EFHC1: variants seen among roughly 807,000 people sequenced by gnomAD.
EFHC1 encodes EF-hand domain-containing protein 1.
In EFHC1, 53 loss-of-function variants were observed where a neutral mutation model predicts 69.9. The observed-to-expected ratio is 0.76, with a 90% CI of 0.61 to 0.95. The LOEUF (loss-of-function observed/expected upper bound fraction) is 0.95. Among genes scored for constraint, EFHC1 ranks in the 40% least tolerant of loss-of-function variants. The probability of loss-of-function intolerance (pLI) is 0.00; values close to 1 mark genes in which losing one functional copy is unlikely to be tolerated. For missense variants in EFHC1, 739 were observed against 798.7 expected (o/e 0.93, Z 0.90); for synonymous variants, 256 against 278.4 (o/e 0.92, Z 0.80).
Position 52,459,800 on chromosome 6 carries a change from G to T in EFHC1, c.917-5095G>T, listed in dbSNP as rs182555645. On this transcript the variant is annotated intron_variant, in intron 5 of 10. Coordinates refer to ENST00000371068, the MANE Select transcript of EFHC1 (RefSeq NM_018100.4). ...CACCATTCTCCTGCCTCAGCCTCCC[G>T]AGTAGCTGGGACTACAGGCGCCTGC... is the stretch of plus-strand genomic sequence containing the variant. Among the ~76,000 whole-genome samples, 190 of 152,152 alleles carry T rather than the reference G, an allele frequency of 1.2e-3. 1 individual carries two copies. The highest frequency in any genetic ancestry group is 4.3e-3 in the African/African-American group (178 of 41,516).
At chr6:52,424,726 A>G (rs1360207099) in intron 2 of EFHC1, among the ~76,000 whole-genome samples, 4 of 152,290 alleles carry the variant, frequency 2.6e-5, no homozygotes, top group African/African-American at 4.8e-5. Context: ...ATTTCCATCT[A>G]TTGACATTAC....
intron 1 of EFHC1, among the ~76,000 whole-genome samples, chr6:52,423,095 G>A (rs918153673): frequency 3.9e-5 from 6 of 152,244 alleles, no homozygotes; most frequent in Non-Finnish European, 4.4e-5. Flanking sequence ...AATCATATTC[G>A]TAAATAAATG....
At chr6:52,432,753 T>C (rs539920983) in intron 2 of EFHC1, among the ~76,000 whole-genome samples, 2 of 152,116 alleles carry the variant, frequency 1.3e-5, no homozygotes, top group Non-Finnish European at 2.9e-5. Context: ...TCTAGAGAAG[T>C]TTTCCTTGAT....
rs750490112 is a variant in EFHC1 at position 52,492,287 on chromosome 6, T to C, written c.1869T>C (p.Ser623=). The C allele has an allele frequency of 1.2e-6, 2 of 1,614,046 alleles. No homozygotes were observed. The highest frequency in any genetic ancestry group is 1.7e-6 in the Non-Finnish European group (2 of 1,179,940). The part of the protein sequence containing the change: ...SLVKELIRMC[S]HGEGKINYYN... ...CTCTGCAGTTAATCAGGATGTGCTC[T>C]CATGGAGAAGGCAAAATTAACTACT... Residue 623 remains serine (S), a synonymous_variant, in exon 11 of 11, where the codon TCT becomes TCC. Transcript: ENST00000371068.
rs1766078868 is a variant in EFHC1, at chr6:52,496,942, T to TGTAA, written c.*4604_*4607dup. On this transcript the variant is annotated 3_prime_UTR_variant, in exon 11 of 11. Coordinates refer to ENST00000371068, the MANE Select transcript of EFHC1 (RefSeq NM_018100.4). ...AAGCAGCTACAGCCAACAGCAGCCA[T>TGTAA]GTAAGTGACACCAGCAATCCCCACT... is the stretch of plus-strand genomic sequence containing the variant. 1 of 152,242 alleles carries TGTAA rather than the reference T, an allele frequency of 6.6e-6. No individual in the cohort carries two copies. 9.4% of individuals were successfully genotyped at this position (152,242 alleles called of 1,614,324 possible).
chr6:52,425,244 G>A (rs1043070640), intron 2 of EFHC1, among the ~76,000 whole-genome samples: 2 of 152,154 alleles, frequency 1.3e-5, no homozygotes, highest in African/African-American at 4.8e-5. Flanking sequence ...ATAATTGGAT[G>A]TATCTTTTCC....
At chr6:52,449,582 A>G (rs1009882833) in intron 3 of EFHC1, among the ~76,000 whole-genome samples, 9 of 152,086 alleles carry the variant, frequency 5.9e-5, no homozygotes, top group Non-Finnish European at 1.2e-4. Context: ...GAATTTATCC[A>G]TCTCTTCTAG....
intron 5 of EFHC1, among the ~76,000 whole-genome samples, chr6:52,457,553 T>G (rs1765070777): frequency 1.3e-5 from 2 of 152,190 alleles, no homozygotes; most frequent in African/African-American, 4.8e-5. Context: ...GTAGCTAAGA[T>G]AAATCAAAAT....
At chr6:52,426,627 C>T (rs1764307092) in intron 2 of EFHC1, among the ~76,000 whole-genome samples, 1 of 152,178 alleles carries the variant, frequency 6.6e-6, no homozygotes, top group African/African-American at 2.4e-5. Flanking sequence ...CCTGGATGAA[C>T]TGTTGGTACC....
chr6:52,463,261 A>T (rs1765215325), intron 5 of EFHC1, among the ~76,000 whole-genome samples: 1 of 147,564 alleles, frequency 6.8e-6, no homozygotes, highest in Non-Finnish European at 1.5e-5. Context: ...CGTGGTTTTG[A>T]TCCGCCCACC....
In EFHC1 at chr6:52,479,246, T is replaced by G. The variant is rs1486881364; in HGVS notation, c.1488T>G (p.Ile496Met). The change falls in exon 8 of 11, where the codon ATT (isoleucine) becomes ATG (methionine). Residue 496 changes from isoleucine (I) to methionine (M), a missense_variant. Ile to Met is a conservative substitution (Grantham distance 10). Transcript: ENST00000371068. ...GTGACTTCTTCATTGGTGCTGTGATTGAAGGTAGGTCTAAACACAGTCCAG... is the reference window on the plus strand; with the variant it reads ...GTGACTTCTTCATTGGTGCTGTGATGGAAGGTAGGTCTAAACACAGTCCAG... ...GPSDFFIGAV[I>M]EVFGHRFIIL... The G allele has an allele frequency of 6.2e-7, 1 of 1,614,054 alleles. No homozygotes were observed. Among genetic ancestry groups the G allele is most frequent in the Admixed American group, 1.7e-5 (1 of 60,020 alleles).
At chr6:52,449,855 G>A (rs532434367) in intron 3 of EFHC1, among the ~76,000 whole-genome samples, 25 of 152,192 alleles carry the variant, frequency 1.6e-4, no homozygotes, top group African/African-American at 5.8e-4. Context: ...TGCTAGCTTT[G>A]AGGTTGATTT....
chr6:52,487,112 A>G (rs541580595), intron 9 of EFHC1: 1 of 152,296 alleles, frequency 6.6e-6, no homozygotes, highest in East Asian at 1.9e-4. Flanking sequence ...TACAGCGTGA[A>G]AGCAGCCGTA....
chr6:52,422,944 AT>A (rs1764222040), intron 1 of EFHC1, among the ~76,000 whole-genome samples: 2 of 152,328 alleles, frequency 1.3e-5, no homozygotes, highest in African/African-American at 4.8e-5. Context: ...TAAAATCAAT[AT>A]TTTAATGACA....
Position 52,493,304 on chromosome 6 carries a change from A to G in EFHC1, c.*963A>G, listed in dbSNP as rs533195076. On this transcript the variant is annotated 3_prime_UTR_variant, in exon 11 of 11. Transcript: ENST00000371068. ...GCCAATTTACCCTGCAGATCTTGGG[A>G]CTTGTAAGCCTTCATAATTGTGTGA... 6.0e-4 allele frequency: 266 copies of G among 445,270 alleles called. 2 individuals are homozygous for G. Among genetic ancestry groups the G allele is most frequent in the Non-Finnish European group, 9.3e-4 (208 of 224,600 alleles). The allele number at this position is 445,270 out of a possible 1,614,324, so 27.6% of individuals were successfully genotyped here.
At chr6:52,478,703 A>G (rs182548207) in intron 7 of EFHC1, among the ~76,000 whole-genome samples, 1 of 152,312 alleles carries the variant, frequency 6.6e-6, no homozygotes, top group African/African-American at 2.4e-5. Flanking sequence ...ATGGTGCTTT[A>G]AAAGAGTTGG....
chr6:52,474,498 T>C (rs969494897), intron 7 of EFHC1, among the ~76,000 whole-genome samples: 1 of 152,172 alleles, frequency 6.6e-6, no homozygotes, highest in Admixed American at 6.5e-5. Flanking sequence ...CAGTTTGGCA[T>C]AATAAATTTA....
At chr6:52,489,957 C>T (rs1477381000) in intron 9 of EFHC1, among the ~76,000 whole-genome samples, 183 bp from the exon 10 acceptor site, 2 of 152,110 alleles carry the variant, frequency 1.3e-5, no homozygotes, top group Middle Eastern at 3.2e-3. Context: ...TGCCCCCAGT[C>T]GGGCCTTCCT....
chr6:52,465,404 A>G lies in EFHC1; in HGVS notation c.1137+289A>G, dbSNP rs79838896. 5.5e-3 allele frequency among the ~76,000 whole-genome samples: 844 copies of G among 152,342 alleles called. 8 individuals are homozygous for G. The highest frequency in any genetic ancestry group is 0.019 in the African/African-American group (794 of 41,574). On this transcript the variant is annotated intron_variant, in intron 6 of 10. Coordinates refer to ENST00000371068, the MANE Select transcript of EFHC1 (RefSeq NM_018100.4). ...TATATGAAGAAATGGGAATTTTCAT[A>G]TACTGTTTATAGGAAAGCCAGTCAG...
Sources: gnomAD v4.1 joint callset for allele counts (sites outside exome capture counted in the v4.1 genomes callset) on GRCh38, gnomAD v4.1.1 for gene constraint, MANE v1.5 for transcripts, NCBI Gene and HGNC (gene_info 2026-07-23, HGNC 2026-07-21) for gene names.